ZNF77: variants seen among roughly 807,000 people sequenced by gnomAD.
ZNF77 encodes the protein ZNFpT1.
Under a neutral mutation model 13.5 loss-of-function variants are expected in ZNF77, and 15 were observed. The observed-to-expected ratio is 1.11, with a 90% CI of 0.74 to 1.71. The LOEUF is 1.71. Ranked by LOEUF, ZNF77 falls within the 40% of genes most tolerant of loss-of-function variation. The probability of loss-of-function intolerance (pLI) is 0.00; values close to 1 mark genes in which losing one functional copy is unlikely to be tolerated. For synonymous variants in ZNF77, 282 were observed against 250.0 expected, an observed-to-expected ratio of 1.13 and a Z score of -1.21; for missense variants, 717 against 676.4, an observed-to-expected ratio of 1.06 and a Z score of -0.67.
chr19:2,941,079 G>A (rs2088444386), intron 1 of ZNF77, among the ~76,000 whole-genome samples: 1 of 151,530 alleles, frequency 6.6e-6, no homozygotes, highest in Non-Finnish European at 1.5e-5. Context: ...GGAGGCTGAG[G>A]TGGGAGGATC....
intron 2 of ZNF77, 68 bp from the exon 3 acceptor site, chr19:2,936,772 G>T: frequency 6.9e-7 from 1 of 1,443,980 alleles, no homozygotes. Flanking sequence ...ACCACATACG[G>T]ATTTCTTTTC....
Position 2,933,226 on chromosome 19 carries a change from T to C in ZNF77, c.*263A>G, listed in dbSNP as rs976794190. 3.6e-5 allele frequency: 13 copies of C among 362,302 alleles called. No homozygotes were observed. The highest frequency in any genetic ancestry group is 4.9e-6 in the Non-Finnish European group (1 of 203,302). 22.4% of individuals were successfully genotyped at this position (362,302 alleles called of 1,614,324 possible). A position where few individuals can be genotyped will look rare whatever the true frequency, so the allele number is the denominator to read the frequency against. On this transcript the variant is annotated 3_prime_UTR_variant, in exon 4 of 4. Transcript: ENST00000314531. ...TACAAAATATACATAGCTGAAAGCGTACAAAACAGGATATTTATTAAATGT... is the reference window on the plus strand; with the variant it reads ...TACAAAATATACATAGCTGAAAGCGCACAAAACAGGATATTTATTAAATGT...
intron 3 of ZNF77, among the ~76,000 whole-genome samples, chr19:2,935,093 A>G (rs576501066): frequency 5.3e-4 from 81 of 152,032 alleles, no homozygotes; most frequent in African/African-American, 1.8e-3. Flanking sequence ...ATCTCGGCTC[A>G]CTGCAAGCTC....
chr19:2,935,494 G>GT (rs767329011), intron 3 of ZNF77, among the ~76,000 whole-genome samples: 113 of 60,732 alleles, frequency 1.9e-3, no homozygotes, highest in African/African-American at 6.6e-3. Context: ...ATTCTTTTTC[G>GT]TATTTTTTTT....
At chr19:2,937,674 G>T (rs544668532) in intron 2 of ZNF77, among the ~76,000 whole-genome samples, 1 of 152,124 alleles carries the variant, frequency 6.6e-6, no homozygotes, top group Non-Finnish European at 1.5e-5. Context: ...GACAGTGCAG[G>T]GGGGTGCAGG....
rs943493783 is a variant in ZNF77 at position 2,933,711 on chromosome 19, G to A, written c.1416C>T (p.Ala472=). ...TTTGAAAGTACTGAGCGTGGCTGAA[G>A]GCTTTCCCACATTGATTACATTCGT... ...KPYECNQCGK[A]FSHAQYFQKH... The change falls in exon 4 of 4, where the codon GCC becomes GCT. Residue 472 remains alanine (A), a synonymous_variant. Transcript: ENST00000314531. 2 of 1,611,652 alleles carry A rather than the reference G, an allele frequency of 1.2e-6. No individual in the cohort carries two copies. Among genetic ancestry groups the A allele is most frequent in the Admixed American group, 1.7e-5 (1 of 59,926 alleles).
chr19:2,934,392 A>G lies in ZNF77; in HGVS notation c.735T>C (p.Cys245=). Reference sequence around the variant, plus strand: ...AGGAGTAATACATAAAGGTCTTCCCACATACTTTACATGCATGGGTTTTCT... The same window carrying G: ...AGGAGTAATACATAAAGGTCTTCCCGCATACTTTACATGCATGGGTTTTCT... ...HGQKTHACKV[C]GKTFMYYSYL... The change falls in exon 4 of 4, where the codon TGT becomes TGC. Residue 245 remains cysteine (C), a synonymous_variant. Transcript: ENST00000314531. 2.5e-6 allele frequency: 4 copies of G among 1,614,210 alleles called. No individual in the cohort carries two copies. Among genetic ancestry groups the G allele is most frequent in the Non-Finnish European group, 3.4e-6 (4 of 1,180,036 alleles).
Position 2,933,964 on chromosome 19 carries a change from G to T in ZNF77, c.1163C>A (p.Ala388Asp). Residue 388 changes from alanine (A) to aspartate (D), a missense_variant, in exon 4 of 4, where the codon GCC becomes GAC. Coordinates refer to ENST00000314531, the MANE Select transcript of ZNF77 (RefSeq NM_021217.3). ...TCTAAAGTAAGTGGGACATCCGAAGGCCTTCCCACACTGCTTGCACACATA... is the reference window on the plus strand; with the variant it reads ...TCTAAAGTAAGTGGGACATCCGAAGTCCTTCCCACACTGCTTGCACACATA... Reference protein sequence around the residue: ...KPYVCKQCGKAFGCPTYFRRH... With the variant: ...KPYVCKQCGKDFGCPTYFRRH... The T allele has an allele frequency of 6.2e-7, 1 of 1,614,094 alleles. No homozygotes were observed. Among genetic ancestry groups the T allele is most frequent in the Non-Finnish European group, 8.5e-7 (1 of 1,180,024 alleles).
rs139829692 is a variant in ZNF77, at chr19:2,933,700, G to T, written c.1427C>A (p.Ala476Asp). The T allele has an allele frequency of 7.0e-4, 1,130 of 1,611,764 alleles. No individual in the cohort carries two copies. The highest frequency in any genetic ancestry group is 8.7e-4 in the Non-Finnish European group (1,020 of 1,178,286). ...TCTCACATGCTTTTGAAAGTACTGAGCGTGGCTGAAGGCTTTCCCACATTG... is the reference window on the plus strand; with the variant it reads ...TCTCACATGCTTTTGAAAGTACTGATCGTGGCTGAAGGCTTTCCCACATTG... Reference protein sequence around the residue: ...CNQCGKAFSHAQYFQKHVRSH... With the variant: ...CNQCGKAFSHDQYFQKHVRSH... Residue 476 changes from alanine (A) to aspartate (D), a missense_variant, in exon 4 of 4, where the codon GCT becomes GAT. Physicochemically the swap from Ala to Asp is moderately radical, Grantham distance 126 (BLOSUM62 -2). Coordinates refer to ENST00000314531, the MANE Select transcript of ZNF77 (RefSeq NM_021217.3).
At chr19:2,941,779 G>C (rs1170514884) in intron 1 of ZNF77, among the ~76,000 whole-genome samples, 1 of 152,170 alleles carries the variant, frequency 6.6e-6, no homozygotes, top group Non-Finnish European at 1.5e-5. Context: ...AACAGGAGAC[G>C]GAGCAGGGTC....
chr19:2,942,313 G>A (rs543595130), intron 1 of ZNF77, among the ~76,000 whole-genome samples: 17 of 147,470 alleles, frequency 1.2e-4, no homozygotes, highest in South Asian at 4.3e-4. Flanking sequence ...CTTGTGATCC[G>A]CCCACCTCAG....
At chr19:2,934,862 GATTA>G (rs1181272549) in intron 3 of ZNF77, 47 bp from the exon 4 acceptor site, 1 of 1,530,996 alleles carries the variant, frequency 6.5e-7, no homozygotes, top group East Asian at 2.3e-5. Context: ...GACTATAAGT[GATTA>G]ATTTATTAAT....
chr19:2,936,644 C>G lies in ZNF77; in HGVS notation c.191G>C (p.Gly64Ala). ...TACAATCTCTTCATCATTGGATATTCCATTCCCAAAAACGTCCCTCTGAGA... is the reference window on the plus strand; with the variant it reads ...TACAATCTCTTCATCATTGGATATTGCATTCCCAAAAACGTCCCTCTGAGA... Reference protein sequence around the residue: ...SSSQRDVFGNGISNDEEIVKF... With the variant: ...SSSQRDVFGNAISNDEEIVKF... The change falls in exon 3 of 4, where the codon GGA (glycine) becomes GCA (alanine). Residue 64 changes from glycine (G) to alanine (A), a missense_variant. Coordinates refer to ENST00000314531, the MANE Select transcript of ZNF77 (RefSeq NM_021217.3). 1 of 1,610,226 alleles carries G rather than the reference C, an allele frequency of 6.2e-7. No individual in the cohort carries two copies. Among genetic ancestry groups the G allele is most frequent in the Non-Finnish European group, 8.5e-7 (1 of 1,179,018 alleles).
In ZNF77 at chr19:2,934,517, T is replaced by C; in HGVS notation, c.610A>G (p.Lys204Glu). ...TAAGACTTTTTACTGCTGAGACTTT[T>C]CACGTATGTCACAGATGCTGTCCTT... ...DSRTASVTYV[K>E]SLSSKKSYEC... Residue 204 changes from lysine (K) to glutamate (E), a missense_variant, in exon 4 of 4, where the codon AAA becomes GAA. Lys to Glu is a moderately conservative substitution (Grantham distance 56). Coordinates refer to ENST00000314531, the MANE Select transcript of ZNF77 (RefSeq NM_021217.3). The C allele has an allele frequency of 6.2e-7, 1 of 1,614,260 alleles. No individual in the cohort carries two copies. Among genetic ancestry groups the C allele is most frequent in the South Asian group, 1.1e-5 (1 of 91,088 alleles).
rs2088482543 is a variant in ZNF77, at chr19:2,944,886, A to G, written c.-46T>C. The G allele has an allele frequency of 2.0e-6, 3 of 1,521,584 alleles. No homozygotes were observed. The highest frequency in any genetic ancestry group is 1.8e-6 in the Non-Finnish European group (2 of 1,140,614). The allele number at this position is 1,521,584 out of a possible 1,614,324, so 94.3% of individuals were successfully genotyped here. ...CTCCAGGGTTAGCGCCCCGCGGTCC[A>G]GCGACCGGCGCAGGTGAGCACGACA... On this transcript the variant is annotated 5_prime_UTR_variant, in exon 1 of 4. Coordinates refer to ENST00000314531, the MANE Select transcript of ZNF77 (RefSeq NM_021217.3).
chr19:2,941,319 A>G (rs552038189), intron 1 of ZNF77, among the ~76,000 whole-genome samples: 6 of 152,150 alleles, frequency 3.9e-5, no homozygotes, highest in Non-Finnish European at 7.4e-5. Flanking sequence ...CGCTACTAAA[A>G]ATACAAAAAT....
rs771819659 is a variant in ZNF77 at position 2,933,988 on chromosome 19, T to C, written c.1139A>G (p.Tyr380Cys). 1.9e-5 allele frequency: 30 copies of C among 1,614,066 alleles called. No individual in the cohort carries two copies. Among genetic ancestry groups the C allele is most frequent in the Non-Finnish European group, 2.5e-5 (29 of 1,180,048 alleles). Reference sequence around the variant, plus strand: ...GGCCTTCCCACACTGCTTGCACACATAGGGCTTCTCTCCGGTGTGCATTCT... The same window carrying C: ...GGCCTTCCCACACTGCTTGCACACACAGGGCTTCTCTCCGGTGTGCATTCT... ...HMRMHTGEKPYVCKQCGKAFG... is the reference protein window; with the variant it reads ...HMRMHTGEKPCVCKQCGKAFG... Residue 380 changes from tyrosine (Y) to cysteine (C), a missense_variant, in exon 4 of 4, where the codon TAT becomes TGT. Physicochemically the swap from Tyr to Cys is radical, Grantham distance 194. Transcript: ENST00000314531.
At chr19:2,935,386 C>T in intron 3 of ZNF77, among the ~76,000 whole-genome samples, 1 of 145,550 alleles carries the variant, frequency 6.9e-6, no homozygotes, top group East Asian at 2.0e-4. Flanking sequence ...GGCATGATCT[C>T]AGCTCACCGC....
chr19:2,935,164 G>T (rs907579383), intron 3 of ZNF77, among the ~76,000 whole-genome samples: 1 of 151,188 alleles, frequency 6.6e-6, no homozygotes, highest in African/African-American at 2.4e-5. Flanking sequence ...GATTACAGGC[G>T]CCTGCCACCA....
Sources: allele counts gnomAD v4.1 joint callset (sites outside exome capture counted in the v4.1 genomes callset), GRCh38; gene constraint gnomAD v4.1.1; transcripts MANE v1.5; gene names NCBI Gene and HGNC (gene_info 2026-07-23, HGNC 2026-07-21).